TMBIM1: variants seen among roughly 807,000 people sequenced by gnomAD.
TMBIM1 encodes transmembrane BAX inhibitor motif containing 1, also known as protein lifeguard 3.
Under a neutral mutation model 45.1 loss-of-function variants are expected in TMBIM1, and 34 were observed. The ratio of observed to expected loss-of-function variants is 0.75; its 90% CI spans 0.57 to 1.00. The LOEUF is 1.00. TMBIM1 is among the 50% of genes least tolerant of loss of function. The probability of loss-of-function intolerance (pLI) is 0.00; values close to 1 mark genes in which losing one functional copy is unlikely to be tolerated. For synonymous variants in TMBIM1, 157 were observed against 153.5 expected (o/e 1.02, Z -0.17); for missense variants, 374 against 402.4 (o/e 0.93, Z 0.60).
intron 1 of TMBIM1, among the ~76,000 whole-genome samples, chr2:218,290,859 A>T (rs1185187873): frequency 1.3e-5 from 2 of 152,244 alleles, no homozygotes; most frequent in Non-Finnish European, 2.9e-5. Context: ...TGTCCCCAAC[A>T]GAATAGGTCC....
At chr2:218,278,387 G>C (rs760088587) in intron 6 of TMBIM1, 128 bp downstream of exon 6, 5 of 982,614 alleles carry the variant, frequency 5.1e-6, no homozygotes, top group Admixed American at 3.8e-5. Context: ...AGCTGTCATC[G>C]TCATCCTCCT....
At position 218,278,459 on chromosome 2, in the gene TMBIM1, G is replaced by A. The variant is rs1172197868; in HGVS notation, c.473+56C>T. The A allele has an allele frequency of 3.0e-5, 46 of 1,547,374 alleles. 1 individual carries two copies. The highest frequency in any genetic ancestry group is 2.6e-4 in the South Asian group (23 of 89,428). ...AGGAATCCTTCTTTCCAAAATACTC[G>A]GCCCCCATCCCAATCCCTGTCACCC... On this transcript the variant is annotated intron_variant, in intron 6 of 11. Coordinates refer to ENST00000258412, the MANE Select transcript of TMBIM1 (RefSeq NM_022152.6).
intron 7 of TMBIM1, 95 bp from the exon 8 acceptor site, chr2:218,277,765 G>A (rs1691382452): frequency 1.3e-6 from 2 of 1,574,198 alleles, no homozygotes; most frequent in Admixed American, 3.4e-5. Context: ...CAGAGCTGGG[G>A]AACGCCACCA....
chr2:218,279,457 G>C, intron 3 of TMBIM1, 104 bp from the exon 4 acceptor site: 5 of 1,088,510 alleles, frequency 4.6e-6, no homozygotes, highest in Non-Finnish European at 6.4e-6. Context: ...ACCCTCCCTA[G>C]CTGCAGCCTG....
chr2:218,284,370 G>A (rs768546738), intron 1 of TMBIM1: 8 of 152,250 alleles, frequency 5.3e-5, no homozygotes, highest in East Asian at 1.9e-4. Flanking sequence ...ACCTTTGCTC[G>A]GCCAGAGAGC....
At chr2:218,280,328 A>G in intron 2 of TMBIM1, 1 of 534,840 alleles carries the variant, frequency 1.9e-6, no homozygotes. Flanking sequence ...CTTAGGTGGG[A>G]AACGTTCCTC....
chr2:218,282,342 C>T (rs965418951), intron 1 of TMBIM1, 161 bp from the exon 2 acceptor site: 1 of 492,884 alleles, frequency 2.0e-6, no homozygotes, highest in Non-Finnish European at 3.5e-6. Context: ...CAGGCCACCT[C>T]CCCACCAACT....
chr2:218,280,518 G>A, intron 2 of TMBIM1: 1 of 267,260 alleles, frequency 3.7e-6, no homozygotes, highest in Non-Finnish European at 7.4e-6. Context: ...GCAGAGCGCA[G>A]TTTGTGCAGC....
chr2:218,278,150 G>A (rs1186493403), intron 6 of TMBIM1, 176 bp from the exon 7 acceptor site: 3 of 669,148 alleles, frequency 4.5e-6, no homozygotes, highest in South Asian at 1.9e-5. Flanking sequence ...GGACAACATG[G>A]GCCAATGAGA....
chr2:218,276,014 G>A lies in TMBIM1; in HGVS notation c.789+12C>T, dbSNP rs771496510. 2 of 1,609,868 alleles carry A rather than the reference G, an allele frequency of 1.2e-6. No homozygotes were observed. The highest frequency in any genetic ancestry group is 2.2e-5 in the East Asian group (1 of 44,832). On this transcript the variant is annotated intron_variant, in intron 11 of 11. Coordinates refer to ENST00000258412, the MANE Select transcript of TMBIM1 (RefSeq NM_022152.6). ...CCTCAGCTCCCCTTCCTAGAGTGGG[G>A]CTGGGACTTACCAGGGTGAAACAAA...
chr2:218,284,648 C>A (rs1467356523), intron 1 of TMBIM1, among the ~76,000 whole-genome samples: 1 of 152,206 alleles, frequency 6.6e-6, no homozygotes, highest in Non-Finnish European at 1.5e-5. Flanking sequence ...CCAGGCCAGT[C>A]CTTCGGGTAC....
At chr2:218,289,625 G>A (rs867644507) in intron 1 of TMBIM1, among the ~76,000 whole-genome samples, 59 of 87,762 alleles carry the variant, frequency 6.7e-4, no homozygotes, top group Admixed American at 1.2e-3. Context: ...CTGGGCGACA[G>A]AAAAAAAAAA....
intron 5 of TMBIM1, 134 bp from the exon 6 acceptor site, chr2:218,278,699 C>T (rs1436212424): frequency 3.3e-5 from 32 of 955,690 alleles, no homozygotes; most frequent in Non-Finnish European, 4.9e-5. Flanking sequence ...GAAGCAAGAA[C>T]GAGATTACCC....
At chr2:218,289,292 A>T (rs185292683) in intron 1 of TMBIM1, among the ~76,000 whole-genome samples, 1 of 152,332 alleles carries the variant, frequency 6.6e-6, no homozygotes, top group Non-Finnish European at 1.5e-5. Context: ...GACTCACTCC[A>T]CTGTGAGAGC....
At chr2:218,291,402 C>A (rs573415681) in intron 1 of TMBIM1, among the ~76,000 whole-genome samples, 1 of 152,292 alleles carries the variant, frequency 6.6e-6, no homozygotes, top group Non-Finnish European at 1.5e-5. Flanking sequence ...CCACCACTGG[C>A]CAGCCCAAAG....
At chr2:218,283,225 A>G (rs1692212943) in intron 1 of TMBIM1, among the ~76,000 whole-genome samples, 1 of 152,262 alleles carries the variant, frequency 6.6e-6, no homozygotes, top group African/African-American at 2.4e-5. Flanking sequence ...CCTCAGGGCC[A>G]TAAGCCCCAA....
chr2:218,285,719 C>T (rs532016185), intron 1 of TMBIM1: 6 of 152,696 alleles, frequency 3.9e-5, no homozygotes, highest in African/African-American at 1.4e-4. Context: ...GAAACCCCAG[C>T]ATTAACGCTA....
Position 218,279,297 on chromosome 2 carries a change from G to A in TMBIM1, c.360C>T (p.Phe120=), listed in dbSNP as rs1691602074. 1 of 1,585,126 alleles carries A rather than the reference G, an allele frequency of 6.3e-7. No individual in the cohort carries two copies. Among genetic ancestry groups the A allele is most frequent in the South Asian group, 1.2e-5 (1 of 86,688 alleles). The change falls in exon 4 of 12, where the codon TTC becomes TTT. Residue 120 remains phenylalanine (F), a synonymous_variant. Coordinates refer to ENST00000258412, the MANE Select transcript of TMBIM1 (RefSeq NM_022152.6). The part of the protein sequence containing the change: ...LLITVAIIAI[F]TFVEPVSAFV... ...AAAGCCTAGAGACTTACACAAAGGTGAAGATAGCAATGATGGCCACAGTGA... is the reference window on the plus strand; with the variant it reads ...AAAGCCTAGAGACTTACACAAAGGTAAAGATAGCAATGATGGCCACAGTGA...
At chr2:218,282,696 G>C (rs984381080) in intron 1 of TMBIM1, among the ~76,000 whole-genome samples, 3 of 152,212 alleles carry the variant, frequency 2.0e-5, no homozygotes. Context: ...AGAGCCGGGG[G>C]AAGAAGTGGA....
Sources: allele counts gnomAD v4.1 joint callset (sites outside exome capture counted in the v4.1 genomes callset), GRCh38; gene constraint gnomAD v4.1.1; transcripts MANE v1.5; gene names NCBI Gene and HGNC (gene_info 2026-07-23, HGNC 2026-07-21).